MTA3: variants seen among roughly 807,000 people sequenced by gnomAD.
MTA3 encodes the protein metastasis associated 1 family member 3, also known as metastasis-associated protein MTA3.
MTA3 carries 34 observed loss-of-function variants against 83.5 expected under a neutral mutation model. That is an observed-to-expected ratio of 0.41 (90% confidence interval 0.31 to 0.54). The LOEUF is 0.54. Ranked by LOEUF, MTA3 falls within the 20% of genes least tolerant of loss-of-function variation. The pLI, the probability that MTA3 is intolerant of heterozygous loss-of-function variation, is 0.33. For missense variants in MTA3, 761 were observed against 726.4 expected (o/e 1.05, Z -0.55); for synonymous variants, 303 against 252.7 (o/e 1.20, Z -1.89).
chr2:42,579,479 T>C (rs1425617544), intron 3 of MTA3, among the ~76,000 whole-genome samples: 3 of 150,022 alleles, frequency 2.0e-5, no homozygotes, highest in Non-Finnish European at 4.4e-5. Context: ...CAGGCTGGAG[T>C]GCAGTGGTGT....
chr2:42,699,298 C>G (rs759006987), intron 11 of MTA3, among the ~76,000 whole-genome samples: 2 of 152,106 alleles, frequency 1.3e-5, no homozygotes, highest in African/African-American at 2.4e-5. Flanking sequence ...ACCTCCTGGG[C>G]TCAAGCGATC....
chr2:42,673,818 C>A (rs1276397597), intron 8 of MTA3, among the ~76,000 whole-genome samples: 2 of 152,162 alleles, frequency 1.3e-5, no homozygotes, highest in East Asian at 3.8e-4. Flanking sequence ...TGTGGACTTT[C>A]ACGATGAATT....
intron 2 of MTA3, among the ~76,000 whole-genome samples, chr2:42,560,246 T>A (rs1677601644): frequency 6.7e-6 from 1 of 149,170 alleles, no homozygotes; most frequent in Admixed American, 6.7e-5. Context: ...GGTCTTGAAC[T>A]CCTGACCTGA....
chr2:42,520,296 G>C (rs1675360348), intron 2 of MTA3, among the ~76,000 whole-genome samples: 1 of 152,054 alleles, frequency 6.6e-6, no homozygotes, highest in African/African-American at 2.4e-5. Flanking sequence ...ATTGTCCAGA[G>C]GACCTCTCCA....
intron 14 of MTA3, among the ~76,000 whole-genome samples, chr2:42,709,875 T>G (rs1410590892): frequency 6.6e-6 from 1 of 152,248 alleles, no homozygotes; most frequent in African/African-American, 2.4e-5. Context: ...TTGCTTATCT[T>G]TTTTATTTTT....
At chr2:42,644,455 G>A (rs1687982005) in intron 6 of MTA3, among the ~76,000 whole-genome samples, 1 of 152,080 alleles carries the variant, frequency 6.6e-6, no homozygotes, top group Admixed American at 6.6e-5. Context: ...TGATCTCCTG[G>A]CCTCAAACAA....
rs370638507 is a variant in MTA3, at chr2:42,505,770, A to ATTTT, written c.-141+10529_-141+10532dup. On this transcript the variant is annotated intron_variant, in intron 2 of 17. Transcript: ENST00000405592. ...AAACGAGATGGGCCACAAATTGATA[A>ATTTT]TTTTTTTTTTTTTTTTGAGATGGAG... Among the ~76,000 whole-genome samples the ATTTT allele has an allele frequency of 2.0e-3, 275 of 139,142 alleles. 9 individuals are homozygous for ATTTT. The highest frequency in any genetic ancestry group is 5.4e-3 in the African/African-American group (199 of 36,922). The allele number at this position is 139,142 out of a possible 152,430, so 91.3% of individuals were successfully genotyped here.
chr2:42,735,551 C>T (rs1023071226), intron 16 of MTA3, among the ~76,000 whole-genome samples: 1 of 152,132 alleles, frequency 6.6e-6, no homozygotes, highest in Non-Finnish European at 1.5e-5. Context: ...AATAATCTTT[C>T]TACAATCTGT....
chr2:42,636,576 T>C (rs1320694347), intron 4 of MTA3, among the ~76,000 whole-genome samples: 1 of 150,426 alleles, frequency 6.6e-6, no homozygotes, highest in African/African-American at 2.4e-5. Flanking sequence ...GAAGAAAGTC[T>C]ACAGGCAGGG....
chr2:42,738,283 C>A (rs562112586), intron 16 of MTA3, among the ~76,000 whole-genome samples: 4 of 152,148 alleles, frequency 2.6e-5, no homozygotes, highest in Non-Finnish European at 4.4e-5. Context: ...ACAGAGAGAC[C>A]GGCTGAAACC....
intron 16 of MTA3, among the ~76,000 whole-genome samples, chr2:42,732,851 G>T (rs1668328810): frequency 6.6e-6 from 1 of 152,212 alleles, no homozygotes; most frequent in Non-Finnish European, 1.5e-5. Flanking sequence ...AATGCCACTA[G>T]TCTCTTTGCT....
At chr2:42,687,734 G>A (rs1385643395) in intron 9 of MTA3, among the ~76,000 whole-genome samples, 1 of 152,160 alleles carries the variant, frequency 6.6e-6, no homozygotes, top group Admixed American at 6.5e-5. Flanking sequence ...AGAAATTCTA[G>A]TGCAGGATTT....
intron 2 of MTA3, among the ~76,000 whole-genome samples, chr2:42,553,870 C>CAAAAA (rs34637052): frequency 2.2e-5 from 2 of 90,258 alleles, no homozygotes; most frequent in Admixed American, 1.3e-4. Context: ...GACTCCATCT[C>CAAAAA]AAAAAAAAAA....
At chr2:42,565,640 A>G (rs1174615625), upstream of MTA3, among the ~76,000 whole-genome samples, 1 of 152,150 alleles carries the variant, frequency 6.6e-6, no homozygotes, top group Non-Finnish European at 1.5e-5. Context: ...TAGTGATGAG[A>G]ATAACTGGAA....
intron 4 of MTA3, among the ~76,000 whole-genome samples, chr2:42,622,240 CAAA>C (rs546900052): frequency 6.6e-6 from 1 of 151,794 alleles, no homozygotes; most frequent in African/African-American, 2.4e-5. Flanking sequence ...CCGTCTCCAC[CAAA>C]AAAAATACGA....
intron 2 of MTA3, among the ~76,000 whole-genome samples, chr2:42,533,695 A>C (rs1292669676): frequency 1.3e-5 from 2 of 149,980 alleles, no homozygotes; most frequent in African/African-American, 2.4e-5. Context: ...AGCAGGGCGT[A>C]GTGGCGGGCG....
intron 2 of MTA3, among the ~76,000 whole-genome samples, chr2:42,500,398 CA>C (rs900221531): frequency 5.4e-5 from 8 of 149,054 alleles, no homozygotes; most frequent in East Asian, 2.0e-4. Context: ...GATTCCATCT[CA>C]AAAAAAAAAT....
At chr2:42,668,179 C>G (rs1458379685) in intron 8 of MTA3, among the ~76,000 whole-genome samples, 5 of 152,184 alleles carry the variant, frequency 3.3e-5, no homozygotes, top group African/African-American at 1.2e-4. Flanking sequence ...TGCAGTGGCT[C>G]CTCAAAGTAG....
In MTA3 at chr2:42,722,919, T is replaced by C; in HGVS notation, c.1643T>C (p.Ile548Thr). 2 of 1,498,742 alleles carry C rather than the reference T, an allele frequency of 1.3e-6. No individual in the cohort carries two copies. The highest frequency in any genetic ancestry group is 1.8e-6 in the Non-Finnish European group (2 of 1,120,726). 92.8% of individuals were successfully genotyped at this position (1,498,742 alleles called of 1,614,324 possible). ...EIHPAKKPNV[I>T]RSTPSLQTPT... ...CATCCTGCAAAGAAACCTAATGTAATTCGATCTACACCAAGCCTGCAAACC... is the reference window on the plus strand; with the variant it reads ...CATCCTGCAAAGAAACCTAATGTAACTCGATCTACACCAAGCCTGCAAACC... Residue 548 changes from isoleucine to threonine, a missense_variant, in exon 16 of 17, where the codon ATT (isoleucine) becomes ACT (threonine). Physicochemically the swap from Ile to Thr is moderately conservative, Grantham distance 89. Coordinates refer to ENST00000405094, the MANE Select transcript of MTA3 (RefSeq NM_001330442.2).
Sources: gnomAD v4.1 joint callset for allele counts (sites outside exome capture counted in the v4.1 genomes callset) on GRCh38, gnomAD v4.1.1 for gene constraint, MANE v1.5 for transcripts, NCBI Gene and HGNC (gene_info 2026-07-23, HGNC 2026-07-21) for gene names.